The following TTC38 variants were observed in gnomAD, a reference collection of about 807,000 sequenced individuals.
The protein encoded by TTC38 is tetratricopeptide repeat protein 38.
A neutral mutation model predicts 64.2 loss-of-function variants in TTC38; 64 were observed. That is an observed-to-expected ratio of 1.00 (90% CI 0.81 to 1.23). The LOEUF is 1.23. Among genes scored for constraint, TTC38 ranks in the 50% most tolerant of loss-of-function variants. The pLI, the probability that TTC38 is intolerant of heterozygous loss-of-function variation, is 0.00. For synonymous variants in TTC38, 254 were observed against 249.3 expected, an observed-to-expected ratio of 1.02 and a Z score of -0.18; for missense variants, 573 against 615.5, an observed-to-expected ratio of 0.93 and a Z score of 0.73.
chr22:46,289,926 T>A, intron 13 of TTC38, 27 bp downstream of exon 13: 2 of 1,604,634 alleles, frequency 1.2e-6, no homozygotes, highest in Non-Finnish European at 1.7e-6. Flanking sequence ...TGCCCAGCAC[T>A]CCCGACCTTC....
Position 46,278,639 on chromosome 22 carries a change from A to C in TTC38, c.593A>C (p.Gln198Pro). The C allele has an allele frequency of 6.2e-7, 1 of 1,614,176 alleles. No homozygotes were observed. Among genetic ancestry groups the C allele is most frequent in the East Asian group, 2.2e-5 (1 of 44,888 alleles). The change falls in exon 6 of 14, where the codon CAG becomes CCG. Residue 198 changes from glutamine to proline, a missense_variant. Physicochemically the swap from Gln to Pro is moderately conservative, Grantham distance 76 (BLOSUM62 -1). Coordinates refer to ENST00000381031, the MANE Select transcript of TTC38 (RefSeq NM_017931.4). ...TTGATGGAAACCAACTTCTACGACC[A>C]GGCAGAAAAACTCGCCAAAGAGGTA... ...FGLMETNFYDQAEKLAKEALS... is the reference protein window; with the variant it reads ...FGLMETNFYDPAEKLAKEALS...
chr22:46,268,125 G>A, intron 1 of TTC38, 53 bp downstream of exon 1: 1 of 1,514,156 alleles, frequency 6.6e-7, no homozygotes. Context: ...GGTCCTGGGG[G>A]TGGCCCGGTG....
Position 46,268,590 on chromosome 22 carries a change from A to G in TTC38, c.110A>G (p.Gln37Arg). Reference protein sequence around the residue: ...ACKLFDATLTQYVKWTNDKSL... With the variant: ...ACKLFDATLTRYVKWTNDKSL... Reference sequence around the variant, plus strand: ...AAGCTGTTCGATGCCACGCTGACCCAGGTATGCCTGCCGAGAGAGGCCGCG... The same window carrying G: ...AAGCTGTTCGATGCCACGCTGACCCGGGTATGCCTGCCGAGAGAGGCCGCG... Residue 37 changes from glutamine (Q) to arginine (R), a missense_variant and splice_region_variant, in exon 2 of 14, where the codon CAG becomes CGG. Transcript: ENST00000381031. 2 of 1,613,836 alleles carry G rather than the reference A, an allele frequency of 1.2e-6. No individual in the cohort carries two copies. Among genetic ancestry groups the G allele is most frequent in the African/African-American group, 1.3e-5 (1 of 75,070 alleles).
At chr22:46,285,104 G>C in intron 8 of TTC38, 137 bp from the exon 9 acceptor site, 1 of 733,656 alleles carries the variant, frequency 1.4e-6, no homozygotes, top group South Asian at 1.6e-5. Context: ...CCAAGACACC[G>C]TCCGTCCACC....
rs1387331491 is a variant in TTC38, at chr22:46,288,509, C to G, written c.1003C>G (p.His335Asp). The G allele has an allele frequency of 6.2e-7, 1 of 1,614,068 alleles. No homozygotes were observed. The highest frequency in any genetic ancestry group is 8.5e-7 in the Non-Finnish European group (1 of 1,179,940). Reference protein sequence around the residue: ...RDHILLFNDAHFLMASLGAHD... With the variant: ...RDHILLFNDADFLMASLGAHD... ...CCACATCCTGCTGTTCAATGACGCA[C>G]ACTTCCTGATGGCATCCCTGGGTGC... The change falls in exon 11 of 14, where the codon CAC becomes GAC. Residue 335 changes from histidine to aspartate, a missense_variant. His to Asp is a moderately conservative substitution (Grantham distance 81). This residue lies in a region of TTC38 where 371 missense variants were observed against 381.8 expected (regional missense o/e 0.97). Coordinates refer to ENST00000381031, the MANE Select transcript of TTC38 (RefSeq NM_017931.4).
rs13433672 is a variant in TTC38 at position 46,271,756 on chromosome 22, C to T, written c.112-579C>T. Among the ~76,000 whole-genome samples the T allele has an allele frequency of 0.14, 21,190 of 152,174 alleles. 3,486 individuals carry two copies. The highest frequency in any genetic ancestry group is 0.4 in the African/African-American group (16,586 of 41,494). On this transcript the variant is annotated intron_variant, in intron 2 of 13. Coordinates refer to ENST00000381031, the MANE Select transcript of TTC38 (RefSeq NM_017931.4). This position sits in a 1 kb window ranked among gnomAD's most constrained non-coding sequence, Gnocchi z 5.5. ...AAACTCCTGCCCTCAAGTGATCCAC[C>T]CGCCTCAGTCTTCCAAAGTACTGGG... is the stretch of plus-strand genomic sequence containing the variant.
In TTC38 at chr22:46,270,158, T is replaced by G. The variant is rs893675560; in HGVS notation, c.111+1567T>G. On this transcript the variant is annotated intron_variant, in intron 2 of 13. Transcript: ENST00000381031. This position sits in a 1 kb window ranked among gnomAD's most constrained non-coding sequence, Gnocchi z 4.7. ...GCAGCTCATCCTCCCAGCCTGGGTA[T>G]ATTTTGTCCCGTGTATTGGTGTCTC... Among the ~76,000 whole-genome samples, 3 of 152,200 alleles carry G rather than the reference T, an allele frequency of 2.0e-5. No individual in the cohort carries two copies. The highest frequency in any genetic ancestry group is 7.2e-5 in the African/African-American group (3 of 41,442).
chr22:46,284,121 C>A, intron 8 of TTC38, 89 bp downstream of exon 8: 4 of 1,071,030 alleles, frequency 3.7e-6, no homozygotes, highest in Non-Finnish European at 5.6e-6. Flanking sequence ...GTATTCACAT[C>A]CGTTGGAGCC....
Position 46,292,724 on chromosome 22 carries a change from A to G in TTC38, c.1317-67A>G, listed in dbSNP as rs1430146608. On this transcript the variant is annotated intron_variant, in intron 13 of 13. Transcript: ENST00000381031. This position sits in a 1 kb window ranked among gnomAD's most constrained non-coding sequence, Gnocchi z 6.5. ...CTGCCTGTGTTCTGCCTTGGGACCA[A>G]GGGACCACCAGGCCCCACATCCCTC... The G allele has an allele frequency of 1.0e-5, 14 of 1,406,640 alleles. No homozygotes were observed. The highest frequency in any genetic ancestry group is 1.4e-5 in the Non-Finnish European group (14 of 994,968). The allele number at this position is 1,406,640 out of a possible 1,614,324, so 87.1% of individuals were successfully genotyped here.
rs745532056 is a variant in TTC38 at position 46,292,935 on chromosome 22, G to A, written c.*51G>A. On this transcript the variant is annotated 3_prime_UTR_variant, in exon 14 of 14. Transcript: ENST00000381031. The surrounding 1 kb of genome is among the most constrained non-coding windows in gnomAD (Gnocchi z 6.5). ...AGAACCTCAGTGGTGGCGTCACTGC[G>A]TCCAGTCAGCTGCTCCACCGGGTTA... 1.0e-5 allele frequency: 15 copies of A among 1,433,974 alleles called. No homozygotes were observed. The highest frequency in any genetic ancestry group is 2.3e-5 in the East Asian group (1 of 43,506). 88.8% of individuals were successfully genotyped at this position (1,433,974 alleles called of 1,614,324 possible). A position where few individuals can be genotyped will look rare whatever the true frequency, so the allele number is the denominator to read the frequency against.
At position 46,288,521 on chromosome 22, in the gene TTC38, G is replaced by A; in HGVS notation, c.1015G>A (p.Ala339Thr). Residue 339 changes from alanine (A) to threonine (T), a missense_variant, in exon 11 of 14, where the codon GCA becomes ACA. Transcript: ENST00000381031. Reference sequence around the variant, plus strand: ...GTTCAATGACGCACACTTCCTGATGGCATCCCTGGGTGCACACGACCCCCA... The same window carrying A: ...GTTCAATGACGCACACTTCCTGATGACATCCCTGGGTGCACACGACCCCCA... ...LLFNDAHFLMASLGAHDPQTT... is the reference protein window; with the variant it reads ...LLFNDAHFLMTSLGAHDPQTT... The A allele has an allele frequency of 2.5e-6, 4 of 1,614,002 alleles. No individual in the cohort carries two copies. Among genetic ancestry groups the A allele is most frequent in the Non-Finnish European group, 2.5e-6 (3 of 1,179,930 alleles).
In TTC38 at chr22:46,281,450, T is replaced by TAAAAAA; in HGVS notation, c.616-149_616-148insAAAAAA. 5 of 849,550 alleles carry TAAAAAA rather than the reference T, an allele frequency of 5.9e-6. No homozygotes were observed. The highest frequency in any genetic ancestry group is 3.2e-5 in the South Asian group (2 of 63,174). 52.6% of individuals were successfully genotyped at this position (849,550 alleles called of 1,614,324 possible). A position where few individuals can be genotyped will look rare whatever the true frequency, so the allele number is the denominator to read the frequency against. On this transcript the variant is annotated intron_variant, in intron 6 of 13. Coordinates refer to ENST00000381031, the MANE Select transcript of TTC38 (RefSeq NM_017931.4). This position sits in a 1 kb window ranked among gnomAD's most constrained non-coding sequence, Gnocchi z 5.2. ...GGCAGGCAGGAAGTGGTGCTAATTG[T>TAAAAAA]CAGTGTTTTGAGTCAGAGCCCCGCC...
Position 46,268,055 on chromosome 22 carries a change from C to T in TTC38, c.16C>T (p.Pro6Ser), listed in dbSNP as rs533037119. MAAAS[P>S]LRDCQAWKDA... ...CCGGCGCAACATGGCCGCAGCCTCG[C>T]CTCTGCGCGACTGCCAGGTACACGG... Residue 6 changes from proline (P) to serine (S), a missense_variant, in exon 1 of 14, where the codon CCT (proline) becomes TCT (serine). This residue lies in a region of TTC38 where 134 missense variants were observed against 126.5 expected (regional missense o/e 1.06). Coordinates refer to ENST00000381031, the MANE Select transcript of TTC38 (RefSeq NM_017931.4). 3 of 1,544,082 alleles carry T rather than the reference C, an allele frequency of 1.9e-6. No individual in the cohort carries two copies. The highest frequency in any genetic ancestry group is 2.8e-5 in the African/African-American group (2 of 72,230).
At position 46,281,677 on chromosome 22, in the gene TTC38, G is replaced by A; in HGVS notation, c.694G>A (p.Asp232Asn). The A allele has an allele frequency of 1.2e-6, 2 of 1,614,158 alleles. No homozygotes were observed. The highest frequency in any genetic ancestry group is 1.7e-6 in the Non-Finnish European group (2 of 1,180,038). ...CCACGAGATGAAAGCAGAGATCAAG[G>A]ATGGGTTGGAATTCATGCAGCACTC... ...HIHEMKAEIKDGLEFMQHSET... is the reference protein window; with the variant it reads ...HIHEMKAEIKNGLEFMQHSET... The change falls in exon 7 of 14, where the codon GAT (aspartate) becomes AAT (asparagine). Residue 232 changes from aspartate (D) to asparagine (N), a missense_variant. Around this residue, in one of 3 missense-constraint regions of TTC38, gnomAD observed 371 missense variants for 381.8 expected, o/e 0.97. Transcript: ENST00000381031. This position sits in a 1 kb window ranked among gnomAD's most constrained non-coding sequence, Gnocchi z 5.2.
chr22:46,282,610 C>T lies in TTC38; in HGVS notation c.735+892C>T, dbSNP rs909432444. On this transcript the variant is annotated intron_variant, in intron 7 of 13. Transcript: ENST00000381031. This position sits in a 1 kb window ranked among gnomAD's most constrained non-coding sequence, Gnocchi z 4.4. Reference sequence around the variant, plus strand: ...GGGCCATGCAGTCTGAGCCTTGCTGCGGAGGATCCTCGGGCCTCCAGATTC... The same window carrying T: ...GGGCCATGCAGTCTGAGCCTTGCTGTGGAGGATCCTCGGGCCTCCAGATTC... Among the ~76,000 whole-genome samples, 4 of 152,252 alleles carry T rather than the reference C, an allele frequency of 2.6e-5. No individual in the cohort carries two copies. Among genetic ancestry groups the T allele is most frequent in the Non-Finnish European group, 5.9e-5 (4 of 68,008 alleles).
chr22:46,290,051 T>C (rs2077602441), intron 13 of TTC38, 152 bp downstream of exon 13: 2 of 743,534 alleles, frequency 2.7e-6, no homozygotes, highest in African/African-American at 3.5e-5. Flanking sequence ...TGGTTCTCCT[T>C]TGTTAGCAGG....
At chr22:46,268,174 G>T in intron 1 of TTC38, 102 bp downstream of exon 1, 2 of 1,348,340 alleles carry the variant, frequency 1.5e-6, no homozygotes, top group Admixed American at 2.2e-5. Flanking sequence ...GGCGCGGGGC[G>T]TGGGGTGAGC....
At position 46,289,405 on chromosome 22, in the gene TTC38, C is replaced by T. The variant is rs560736599; in HGVS notation, c.1086C>T (p.Ser362=). ...GGGCACCGTCTTGGGTTCGCAGATC[C>T]CCAGGGGAGAACTGCCAGCACCTCC... ...LLTTLRDASE[S]PGENCQHLLA... The change falls in exon 12 of 14, where the codon TCC becomes TCT. Residue 362 remains serine (S), a synonymous_variant. Coordinates refer to ENST00000381031, the MANE Select transcript of TTC38 (RefSeq NM_017931.4). 3 of 1,608,216 alleles carry T rather than the reference C, an allele frequency of 1.9e-6. No homozygotes were observed. Among genetic ancestry groups the T allele is most frequent in the Non-Finnish European group, 2.5e-6 (3 of 1,179,452 alleles).
intron 2 of TTC38, 123 bp downstream of exon 2, chr22:46,268,714 T>G (rs1936821127): frequency 1.0e-6 from 1 of 956,464 alleles, no homozygotes. Context: ...AGGCGGAGTC[T>G]CGCTCTGTCG....
Sources: allele counts gnomAD v4.1 joint callset (sites outside exome capture counted in the v4.1 genomes callset), GRCh38; gene constraint gnomAD v4.1.1; regional missense constraint gnomAD v4.1.1; non-coding constraint Gnocchi (gnomAD v3.1); transcripts MANE v1.5; gene names NCBI Gene and HGNC (gene_info 2026-07-23, HGNC 2026-07-21).